Variants in CIRSR observed in about 807,000 individuals in gnomAD.
CIRSR encodes corepressor of RBPJ and splicing regulator.
the CIRSR span, among the ~76,000 whole-genome samples, chr2:174,389,867 T>C: frequency 6.6e-6 from 1 of 152,044 alleles, no homozygotes; most frequent in Non-Finnish European, 1.5e-5. Context: ...GCAGCTTCCA[T>C]GTGATGTTGG....
At chr2:174,377,082 C>T in the CIRSR span, among the ~76,000 whole-genome samples, 1 of 152,088 alleles carries the variant, frequency 6.6e-6, no homozygotes, top group South Asian at 2.1e-4. Context: ...AAGGCTGAGG[C>T]ATAAAGACAA....
At chr2:174,360,698 T>C in the CIRSR span, among the ~76,000 whole-genome samples, 11 of 152,130 alleles carry the variant, frequency 7.2e-5, no homozygotes, top group Middle Eastern at 6.3e-3. Flanking sequence ...GTACATGCCT[T>C]TAACATCAAG....
the CIRSR span, chr2:174,348,827 G>C: frequency 1.2e-6 from 2 of 1,614,148 alleles, no homozygotes; most frequent in South Asian, 2.2e-5. Context: ...TAGAACTCTC[G>C]TGTTTTAAGA....
chr2:174,393,957 G>T, the CIRSR span, among the ~76,000 whole-genome samples: 1 of 152,100 alleles, frequency 6.6e-6, no homozygotes, highest in Non-Finnish European at 1.5e-5. Flanking sequence ...ATCTAGAAAG[G>T]TCTGCTAATC....
At chr2:174,360,290 C>T in the CIRSR span, among the ~76,000 whole-genome samples, 5,834 of 152,082 alleles carry the variant, frequency 0.038, 158 homozygotes, top group Middle Eastern at 0.12. Context: ...TGTTTTTTGC[C>T]TTCAAGTTTA....
chr2:174,359,333 TTA>T, the CIRSR span, among the ~76,000 whole-genome samples: 1 of 47,656 alleles, frequency 2.1e-5, no homozygotes, highest in Admixed American at 1.7e-4. Flanking sequence ...TGCATTTTAC[TTA>T]AAAAAAAAAA....
the CIRSR span, among the ~76,000 whole-genome samples, chr2:174,382,509 C>T: frequency 6.6e-6 from 1 of 151,982 alleles, no homozygotes; most frequent in African/African-American, 2.4e-5. Flanking sequence ...CGTAGTGCTG[C>T]GTGCCTGTAA....
At chr2:174,394,200 A>G in the CIRSR span, among the ~76,000 whole-genome samples, 2 of 152,244 alleles carry the variant, frequency 1.3e-5, no homozygotes, top group Non-Finnish European at 2.9e-5. Flanking sequence ...GCGAAATGTC[A>G]AAAGTTCCAG....
At chr2:174,367,282 T>G in the CIRSR span, among the ~76,000 whole-genome samples, 2 of 152,032 alleles carry the variant, frequency 1.3e-5, no homozygotes, top group Admixed American at 6.6e-5. Flanking sequence ...AAAAAGTTTT[T>G]AAAAAATTAG....
chr2:174,383,788 G>C, the CIRSR span, among the ~76,000 whole-genome samples: 1 of 148,610 alleles, frequency 6.7e-6, no homozygotes, highest in Non-Finnish European at 1.5e-5. Flanking sequence ...CTAGTTATTA[G>C]GGAAATGCAA....
chr2:174,369,924 A>G, the CIRSR span: 2 of 1,341,954 alleles, frequency 1.5e-6, no homozygotes, highest in Admixed American at 2.1e-5. Flanking sequence ...TGTGACCCAG[A>G]GACAAAGTAA....
chr2:174,381,647 A>T, the CIRSR span: 6 of 1,360,800 alleles, frequency 4.4e-6, no homozygotes, highest in South Asian at 7.8e-5. Context: ...ACAGGGCAAG[A>T]CTGTGCCTCA....
At chr2:174,379,453 G>C in the CIRSR span, among the ~76,000 whole-genome samples, 8 of 152,080 alleles carry the variant, frequency 5.3e-5, no homozygotes, top group Admixed American at 5.2e-4. Flanking sequence ...TAGGCTTTTT[G>C]GGACAGATGT....
At chr2:174,366,323 T>C in the CIRSR span, among the ~76,000 whole-genome samples, 3 of 152,024 alleles carry the variant, frequency 2.0e-5, no homozygotes, top group East Asian at 3.9e-4. Context: ...ACTAACGATA[T>C]ATACCAAACC....
At chr2:174,362,353 C>G in the CIRSR span, among the ~76,000 whole-genome samples, 11 of 131,466 alleles carry the variant, frequency 8.4e-5, no homozygotes, top group Admixed American at 7.3e-4. Flanking sequence ...GGCAAAGTAA[C>G]TAGAAATATA....
chr2:174,351,542 A>G, the CIRSR span: 1 of 1,221,624 alleles, frequency 8.2e-7, no homozygotes, highest in Non-Finnish European at 1.2e-6. Context: ...CATATTGGAA[A>G]ACATTAAGTA....
chr2:174,386,595 C>T, the CIRSR span, among the ~76,000 whole-genome samples: 1 of 152,168 alleles, frequency 6.6e-6, no homozygotes, highest in Non-Finnish European at 1.5e-5. Context: ...AGTCTCCACC[C>T]ACTAGATGTT....
the CIRSR span, among the ~76,000 whole-genome samples, chr2:174,377,744 G>A: frequency 3.5e-5 from 5 of 142,518 alleles, no homozygotes; most frequent in African/African-American, 5.1e-5. Context: ...AAGAGAGCTT[G>A]AGCCCGGAAA....
chr2:174,365,872 G>C, the CIRSR span, among the ~76,000 whole-genome samples: 1 of 152,114 alleles, frequency 6.6e-6, no homozygotes, highest in East Asian at 1.9e-4. Flanking sequence ...CAAGAGAAAA[G>C]CAAGCATCAG....
Sources: gnomAD v4.1 joint callset for allele counts (sites outside exome capture counted in the v4.1 genomes callset) on GRCh38, gnomAD v4.1.1 for gene constraint, MANE v1.5 for transcripts, NCBI Gene and HGNC (gene_info 2026-07-23, HGNC 2026-07-21) for gene names.